Variants in PTGER2 observed in about 807,000 individuals in gnomAD.
PTGER2 encodes the protein prostaglandin E receptor 2, also known as prostaglandin E2 receptor EP2 subtype.
A neutral mutation model predicts 26.2 loss-of-function variants in PTGER2; 22 were observed. The ratio of observed to expected loss-of-function variants is 0.84; its 90% CI spans 0.60 to 1.20. The LOEUF (loss-of-function observed/expected upper bound fraction) is 1.20, where lower values mean the gene tolerates loss of function less well. Ranked by LOEUF, PTGER2 falls within the 50% of genes most tolerant of loss-of-function variation. The probability of loss-of-function intolerance (pLI) is 0.00; values close to 1 mark genes in which losing one functional copy is unlikely to be tolerated. For synonymous variants in PTGER2, 219 were observed against 208.9 expected, an observed-to-expected ratio of 1.05 and a Z score of -0.42; for missense variants, 458 against 475.2, an observed-to-expected ratio of 0.96 and a Z score of 0.34.
intron 1 of PTGER2, among the ~76,000 whole-genome samples, chr14:52,322,704 AG>A (rs2140038556): frequency 6.6e-6 from 1 of 152,236 alleles, no homozygotes; most frequent in South Asian, 2.1e-4. Flanking sequence ...GGCCGTTTAT[AG>A]ACCTCCCCCC....
intron 1 of PTGER2, among the ~76,000 whole-genome samples, chr14:52,325,252 T>G (rs1224797652): frequency 3.4e-5 from 3 of 89,520 alleles, no homozygotes; most frequent in Non-Finnish European, 8.3e-5. Flanking sequence ...AGTACAGAAT[T>G]GCTTCATCCT....
In PTGER2 at chr14:52,327,319, C is replaced by T. The variant is rs181468557; in HGVS notation, c.942C>T (p.Val314=). The T allele has an allele frequency of 1.6e-5, 26 of 1,612,812 alleles. No individual in the cohort carries two copies. The highest frequency in any genetic ancestry group is 2.0e-5 in the Non-Finnish European group (24 of 1,178,962). The change falls in exon 2 of 2, where the codon GTC becomes GTT. Residue 314 remains valine (V), a synonymous_variant. Coordinates refer to ENST00000245457, the MANE Select transcript of PTGER2 (RefSeq NM_000956.4). ...LSINSIIDPW[V]FAILRPPVLR... Reference sequence around the variant, plus strand: ...TTAATTCAATAATTGACCCTTGGGTCTTTGCCATCCTTAGGCCTCCTGTTC... The same window carrying T: ...TTAATTCAATAATTGACCCTTGGGTTTTTGCCATCCTTAGGCCTCCTGTTC...
chr14:52,323,588 G>A (rs1263331212), intron 1 of PTGER2, among the ~76,000 whole-genome samples: 5 of 152,100 alleles, frequency 3.3e-5, no homozygotes, highest in Non-Finnish European at 5.9e-5. Flanking sequence ...TTCAATGATC[G>A]GCCAAATAAA....
At chr14:52,316,184 A>G (rs1029610792) in intron 1 of PTGER2, among the ~76,000 whole-genome samples, 2 of 152,224 alleles carry the variant, frequency 1.3e-5, no homozygotes, top group African/African-American at 4.8e-5. Flanking sequence ...GCACTTGATG[A>G]GCACAAAGCC....
At position 52,314,705 on chromosome 14, in the gene PTGER2, G is replaced by A. The variant is rs759576256; in HGVS notation, c.157G>A (p.Asp53Asn). ...LALLARRWRG[D>N]VGCSAGRRSS... ...GCTGCTGGCGCGCCGCTGGCGGGGGGACGTGGGGTGCAGCGCCGGCCGCAG... is the reference window on the plus strand; with the variant it reads ...GCTGCTGGCGCGCCGCTGGCGGGGGAACGTGGGGTGCAGCGCCGGCCGCAG... The change falls in exon 1 of 2, where the codon GAC (aspartate) becomes AAC (asparagine). Residue 53 changes from aspartate to asparagine, a missense_variant. Physicochemically the swap from Asp to Asn is conservative, Grantham distance 23. Coordinates refer to ENST00000245457, the MANE Select transcript of PTGER2 (RefSeq NM_000956.4). This position sits in a 1 kb window ranked among gnomAD's most constrained non-coding sequence, Gnocchi z 5.7. 7 of 1,560,644 alleles carry A rather than the reference G, an allele frequency of 4.5e-6. No homozygotes were observed. Among genetic ancestry groups the A allele is most frequent in the African/African-American group, 2.7e-5 (2 of 73,694 alleles).
chr14:52,327,426 C>T lies in PTGER2; in HGVS notation c.1049C>T (p.Ser350Leu). The T allele has an allele frequency of 2.5e-6, 4 of 1,611,482 alleles. No individual in the cohort carries two copies. Among genetic ancestry groups the T allele is most frequent in the Non-Finnish European group, 3.4e-6 (4 of 1,177,790 alleles). The change falls in exon 2 of 2, where the codon TCA (serine) becomes TTA (leucine). Residue 350 changes from serine to leucine, a missense_variant. Transcript: ENST00000245457. Reference protein sequence around the residue: ...DATQTSCSTQSDASKQADL With the variant: ...DATQTSCSTQLDASKQADL ...ACACAAACTTCCTGTTCTACACAGT[C>T]AGATGCCAGTAAACAGGCTGACCTT...
chr14:52,325,682 T>C (rs1337539851), intron 1 of PTGER2, among the ~76,000 whole-genome samples: 1 of 152,234 alleles, frequency 6.6e-6, no homozygotes, highest in Non-Finnish European at 1.5e-5. Context: ...CCTCCTCACC[T>C]AGCTTTCCTC....
Position 52,315,328 on chromosome 14 carries a change from G to C in PTGER2, c.780G>C (p.Thr260=), listed in dbSNP as rs746239506. Residue 260 remains threonine (T), a synonymous_variant, in exon 1 of 2, where the codon ACG becomes ACC. Transcript: ENST00000245457. ...RGERVSMAEE[T]DHLILLAIMT... ...AAAGGGTGTCCATGGCGGAGGAGACGGACCACCTCATTCTCCTGGCTATCA... is the reference window on the plus strand; with the variant it reads ...AAAGGGTGTCCATGGCGGAGGAGACCGACCACCTCATTCTCCTGGCTATCA... 8.1e-6 allele frequency: 13 copies of C among 1,613,298 alleles called. No homozygotes were observed. In the South Asian group the frequency reaches 1.3e-4, roughly 16 times the overall value.
intron 1 of PTGER2, among the ~76,000 whole-genome samples, chr14:52,324,534 G>A (rs959243931): frequency 2.6e-5 from 4 of 152,156 alleles, no homozygotes; most frequent in South Asian, 2.1e-4. Flanking sequence ...AGCTAGCCCC[G>A]GAGGGGCATT....
chr14:52,316,002 A>T (rs944157474), intron 1 of PTGER2, among the ~76,000 whole-genome samples: 5 of 152,240 alleles, frequency 3.3e-5, no homozygotes, highest in African/African-American at 1.2e-4. Context: ...AGGTTTCCCA[A>T]TTTATATATT....
At position 52,325,276 on chromosome 14, in the gene PTGER2, T is replaced by G. The variant is rs546195456; in HGVS notation, c.844-1945T>G. ...TTGCTTCATCCTCTACAACCAATTT[T>G]CACTTCTCATTATTCTGTCACGCTC... On this transcript the variant is annotated intron_variant, in intron 1 of 1. Coordinates refer to ENST00000245457, the MANE Select transcript of PTGER2 (RefSeq NM_000956.4). Among the ~76,000 whole-genome samples, 6 of 152,262 alleles carry G rather than the reference T, an allele frequency of 3.9e-5. No homozygotes were observed. The East Asian group carries it at 1.2e-3, about 29-fold the overall frequency.
chr14:52,315,165 T>C lies in PTGER2; in HGVS notation c.617T>C (p.Leu206Pro). Residue 206 changes from leucine to proline, a missense_variant, in exon 1 of 2, where the codon CTT becomes CCT. Coordinates refer to ENST00000245457, the MANE Select transcript of PTGER2 (RefSeq NM_000956.4). ...CAGCTGTACGCCACCCTGCTGCTGC[T>C]TCTCATTGTCTCGGTGCTCGCCTGC... ...YLQLYATLLL[L>P]LIVSVLACNF... is the part of the protein sequence containing the mutation. 1.9e-6 allele frequency: 3 copies of C among 1,608,568 alleles called. No homozygotes were observed. The highest frequency in any genetic ancestry group is 2.5e-6 in the Non-Finnish European group (3 of 1,179,964).
At chr14:52,321,497 T>A (rs1386644322) in intron 1 of PTGER2, among the ~76,000 whole-genome samples, 2 of 152,080 alleles carry the variant, frequency 1.3e-5, no homozygotes, top group Non-Finnish European at 2.9e-5. Context: ...TGAAGAGAAA[T>A]CTCCTCCAAA....
At chr14:52,319,556 T>G (rs1023119454) in intron 1 of PTGER2, among the ~76,000 whole-genome samples, 1 of 152,210 alleles carries the variant, frequency 6.6e-6, no homozygotes, top group Non-Finnish European at 1.5e-5. Flanking sequence ...AATTCCTCCT[T>G]ATGTTAATCA....
intron 1 of PTGER2, among the ~76,000 whole-genome samples, chr14:52,325,865 A>G (rs1487000879): frequency 1.3e-5 from 2 of 152,196 alleles, no homozygotes; most frequent in African/African-American, 2.4e-5. Flanking sequence ...GCTCTCTGCA[A>G]TTTGCTTTGT....
chr14:52,327,551 GCTGCCCT>G lies in PTGER2; in HGVS notation c.*98_*104del. On this transcript the variant is annotated 3_prime_UTR_variant, in exon 2 of 2. Transcript: ENST00000245457. ...GAAAACAGTGTGTAAACAAAATGAA[GCTGCCCT>G]AATAAAAAGGAGTATACAAACATTT... The G allele has an allele frequency of 2.0e-6, 2 of 1,003,168 alleles. No homozygotes were observed. Among genetic ancestry groups the G allele is most frequent in the Admixed American group, 5.2e-5 (2 of 38,562 alleles). 62.1% of individuals were successfully genotyped at this position (1,003,168 alleles called of 1,614,324 possible).
chr14:52,326,553 A>G (rs2033952977), intron 1 of PTGER2, among the ~76,000 whole-genome samples: 1 of 152,194 alleles, frequency 6.6e-6, no homozygotes, highest in African/African-American at 2.4e-5. Context: ...CTGAGGCACA[A>G]AGGTTCATTA....
intron 1 of PTGER2, among the ~76,000 whole-genome samples, chr14:52,323,195 GAAGGGAGA>G (rs1285250251): frequency 2.6e-5 from 4 of 152,126 alleles, no homozygotes; most frequent in African/African-American, 9.7e-5. Context: ...AACATCTGGG[GAAGGGAGA>G]AATGCCTCAG....
intron 1 of PTGER2, among the ~76,000 whole-genome samples, chr14:52,317,672 G>A (rs2033855019): frequency 6.6e-6 from 1 of 152,090 alleles, no homozygotes; most frequent in Admixed American, 6.5e-5. Flanking sequence ...GACTATGAAG[G>A]GGCTTTAGCT....
Sources: allele counts gnomAD v4.1 joint callset (sites outside exome capture counted in the v4.1 genomes callset), GRCh38; gene constraint gnomAD v4.1.1; non-coding constraint Gnocchi (gnomAD v3.1); transcripts MANE v1.5; gene names NCBI Gene and HGNC (gene_info 2026-07-23, HGNC 2026-07-21).